SH3YL1: variants seen among roughly 807,000 people sequenced by gnomAD.
SH3YL1 encodes SH3 and SYLF domain containing 1, also known as SH3 domain-containing YSC84-like protein 1.
In SH3YL1, 41 loss-of-function variants were observed where a neutral mutation model predicts 45.8. The ratio of observed to expected loss-of-function variants is 0.89; its 90% CI spans 0.70 to 1.16. The LOEUF (loss-of-function observed/expected upper bound fraction) is 1.16. SH3YL1 is among the 50% of genes most tolerant of loss of function. The pLI, the probability that SH3YL1 is intolerant of heterozygous loss-of-function variation, is 0.00. For synonymous variants in SH3YL1, 152 were observed against 151.4 expected, an observed-to-expected ratio of 1.00 and a Z score of -0.03; for missense variants, 389 against 409.6, an observed-to-expected ratio of 0.95 and a Z score of 0.43.
intron 9 of SH3YL1, among the ~76,000 whole-genome samples, chr2:221,005 C>G (rs1025989464): frequency 6.6e-6 from 1 of 151,992 alleles, no homozygotes; most frequent in African/African-American, 2.4e-5. Flanking sequence ...CGATGTGCAT[C>G]TGGGAAGAGC....
chr2:219,361 G>C (rs1284014765), intron 9 of SH3YL1, among the ~76,000 whole-genome samples: 1 of 152,170 alleles, frequency 6.6e-6, no homozygotes, highest in Non-Finnish European at 1.5e-5. Context: ...GGTGTTAGAA[G>C]TGGGGTCTCT....
At chr2:244,072 G>A (rs1377559159) in intron 4 of SH3YL1, among the ~76,000 whole-genome samples, 3 of 152,102 alleles carry the variant, frequency 2.0e-5, no homozygotes, top group Non-Finnish European at 4.4e-5. Flanking sequence ...TTCCCAATCT[G>A]CCCCTCTCTG....
intron 5 of SH3YL1, among the ~76,000 whole-genome samples, chr2:233,715 T>C (rs1401981451): frequency 6.6e-6 from 1 of 152,210 alleles, no homozygotes; most frequent in Non-Finnish European, 1.5e-5. Flanking sequence ...AATCCAAGAC[T>C]AGCATTTCAT....
intron 9 of SH3YL1, among the ~76,000 whole-genome samples, chr2:221,127 A>C (rs1447935927): frequency 6.6e-6 from 1 of 152,212 alleles, no homozygotes; most frequent in Non-Finnish European, 1.5e-5. Flanking sequence ...CTTCAGAGAT[A>C]ACAAGTAATT....
At chr2:233,282 G>A (rs1668134210) in intron 5 of SH3YL1, 53 bp from the exon 6 acceptor site, 2 of 1,454,872 alleles carry the variant, frequency 1.4e-6, no homozygotes, top group East Asian at 2.4e-5. Flanking sequence ...CCAAGCCGAG[G>A]ATCACTATTT....
intron 9 of SH3YL1, among the ~76,000 whole-genome samples, chr2:220,301 G>A (rs1667517219): frequency 6.6e-6 from 1 of 151,958 alleles, no homozygotes; most frequent in Non-Finnish European, 1.5e-5. Flanking sequence ...GCTCTCACAA[G>A]ATGGTGCTAC....
At chr2:247,196 T>G (rs1434333563) in intron 4 of SH3YL1, among the ~76,000 whole-genome samples, 3 of 152,248 alleles carry the variant, frequency 2.0e-5, no homozygotes, top group Non-Finnish European at 4.4e-5. Flanking sequence ...GTAATTTCAA[T>G]GCCCACTGAA....
intron 4 of SH3YL1, among the ~76,000 whole-genome samples, chr2:238,422 G>C (rs1174418367): frequency 6.6e-6 from 1 of 152,096 alleles, no homozygotes; most frequent in African/African-American, 2.4e-5. Flanking sequence ...AGGGGGCTTA[G>C]AAACTGGACT....
chr2:233,266 G>A, intron 5 of SH3YL1, 37 bp from the exon 6 acceptor site: 5 of 1,497,762 alleles, frequency 3.3e-6, no homozygotes, highest in Non-Finnish European at 4.5e-6. Flanking sequence ...AAAGCTGTGA[G>A]CAGCTCCAAG....
At chr2:252,730 A>G (rs1003060040) in intron 2 of SH3YL1, among the ~76,000 whole-genome samples, 1 of 152,230 alleles carries the variant, frequency 6.6e-6, no homozygotes, top group African/African-American at 2.4e-5. Context: ...GGTCTGTAAC[A>G]TTGCCAAAGT....
intron 4 of SH3YL1, chr2:242,005 A>T (rs1350909856): frequency 2.0e-5 from 3 of 152,130 alleles, no homozygotes; most frequent in African/African-American, 7.2e-5. Context: ...AACCATAAAT[A>T]ATAGTATAAA....
intron 4 of SH3YL1, among the ~76,000 whole-genome samples, chr2:245,937 T>C (rs1558246540): frequency 6.6e-6 from 1 of 152,144 alleles, no homozygotes; most frequent in Non-Finnish European, 1.5e-5. Context: ...GGCTCATGCC[T>C]GTAATCCCAG....
intron 1 of SH3YL1, among the ~76,000 whole-genome samples, chr2:254,090 A>G (rs1255145941): frequency 6.6e-6 from 1 of 151,998 alleles, no homozygotes; most frequent in Non-Finnish European, 1.5e-5. Context: ...ATTTAAAAAT[A>G]TATTTTGTAA....
At chr2:220,648 C>T (rs1169891220) in intron 9 of SH3YL1, among the ~76,000 whole-genome samples, 2 of 152,214 alleles carry the variant, frequency 1.3e-5, no homozygotes, top group African/African-American at 2.4e-5. Context: ...CGGGCAGGCG[C>T]TCACGCCGTG....
At chr2:255,488 C>A (rs899903057) in intron 1 of SH3YL1, among the ~76,000 whole-genome samples, 2 of 151,964 alleles carry the variant, frequency 1.3e-5, no homozygotes, top group African/African-American at 4.8e-5. Context: ...TCCTTGCTAC[C>A]CAGGAGGCGG....
chr2:235,156 G>A (rs951836686), intron 4 of SH3YL1, among the ~76,000 whole-genome samples: 14 of 152,200 alleles, frequency 9.2e-5, no homozygotes, highest in African/African-American at 1.4e-4. Context: ...GATTACAGGC[G>A]TGAGCCACTG....
intron 5 of SH3YL1, among the ~76,000 whole-genome samples, chr2:233,430 C>T (rs1668144072): frequency 6.6e-6 from 1 of 152,186 alleles, no homozygotes; most frequent in Non-Finnish European, 1.5e-5. Context: ...GAAGAACATA[C>T]ATGAAATTAT....
intron 4 of SH3YL1, chr2:239,889 G>A (rs181554105): frequency 6.6e-6 from 1 of 152,384 alleles, no homozygotes; most frequent in Admixed American, 6.5e-5. Context: ...AAGGAAGAGA[G>A]AGTTGGTGAC....
intron 1 of SH3YL1, chr2:255,855 C>G (rs1669298536): frequency 6.6e-6 from 1 of 152,326 alleles, no homozygotes; most frequent in East Asian, 1.9e-4. Flanking sequence ...CTTTTAAAAA[C>G]AAGTGGCATC....
Sources: allele counts gnomAD v4.1 joint callset (sites outside exome capture counted in the v4.1 genomes callset), GRCh38; gene constraint gnomAD v4.1.1; transcripts MANE v1.5; gene names NCBI Gene and HGNC (gene_info 2026-07-23, HGNC 2026-07-21).